NLGN1: variants seen among roughly 807,000 people sequenced by gnomAD.
The protein encoded by NLGN1 is neuroligin-1.
Under a neutral mutation model 65.5 loss-of-function variants are expected in NLGN1, and 12 were observed. That is an observed-to-expected ratio of 0.18 (90% CI 0.12 to 0.30). The LOEUF is 0.30. NLGN1 is among the 10% of genes least tolerant of loss of function. NLGN1 has a pLI of 1.00. For missense variants in NLGN1, 750 were observed against 1,007.1 expected (o/e 0.74, Z 3.46); for synonymous variants, 350 against 359.5 (o/e 0.97, Z 0.30).
intron 2 of NLGN1, among the ~76,000 whole-genome samples, chr3:173,443,517 A>C (rs1719612427): frequency 6.6e-6 from 1 of 151,992 alleles, no homozygotes; most frequent in African/African-American, 2.4e-5. Flanking sequence ...ATGGAAAAAG[A>C]AGTAAATAAA....
At chr3:173,552,631 A>C (rs1741060954) in intron 2 of NLGN1, among the ~76,000 whole-genome samples, 1 of 152,154 alleles carries the variant, frequency 6.6e-6, no homozygotes, top group Admixed American at 6.5e-5. Flanking sequence ...AGTTCTTGCT[A>C]GTAGTCTTCC....
In NLGN1 at chr3:174,279,539, T is replaced by C. The variant is rs766794390; in HGVS notation, c.1538T>C (p.Leu513Pro). 1 of 1,613,106 alleles carries C rather than the reference T, an allele frequency of 6.2e-7. No homozygotes were observed. The highest frequency in any genetic ancestry group is 2.2e-5 in the East Asian group (1 of 44,808). The change falls in exon 6 of 7, where the codon CTG becomes CCG. Residue 513 changes from leucine to proline, a missense_variant. Transcript: ENST00000457714. The surrounding 1 kb of genome is among the most constrained non-coding windows in gnomAD (Gnocchi z 4.7). ...CACGGAGACGAGGTTCCCTATGTAC[T>C]GGGAATCCCCATGATTGGCCCTACA...
chr3:173,706,018 A>G (rs1423332965), intron 3 of NLGN1, among the ~76,000 whole-genome samples: 2 of 152,188 alleles, frequency 1.3e-5, no homozygotes, highest in Non-Finnish European at 2.9e-5. Context: ...TGACAACTAA[A>G]TAATAATTAA....
At chr3:173,431,636 C>A (rs139689000) in intron 1 of NLGN1, among the ~76,000 whole-genome samples, 1 of 152,150 alleles carries the variant, frequency 6.6e-6, no homozygotes, top group Non-Finnish European at 1.5e-5. Flanking sequence ...ATATGCCCTG[C>A]CCTCATTCTT....
Position 173,807,660 on chromosome 3 carries a change from G to A in NLGN1, c.494-20G>A, listed in dbSNP as rs1716952741. On this transcript the variant is annotated intron_variant, in intron 3 of 6. Coordinates refer to ENST00000457714, the Ensembl canonical transcript of NLGN1. ...GTTATTTTTGAGGATAAGAACGATT[G>A]CCAACCATTTGTTTTCCAGATATTC... The A allele has an allele frequency of 1.9e-6, 3 of 1,610,306 alleles. No individual in the cohort carries two copies. The highest frequency in any genetic ancestry group is 2.5e-6 in the Non-Finnish European group (3 of 1,177,472).
chr3:174,136,546 A>G (rs570022368), intron 4 of NLGN1: 1 of 152,262 alleles, frequency 6.6e-6, no homozygotes, highest in Admixed American at 6.5e-5. Context: ...CCACCTGATT[A>G]CCAAGAGGAA....
At chr3:174,138,004 C>A (rs569317503) in intron 4 of NLGN1, among the ~76,000 whole-genome samples, 13 of 152,208 alleles carry the variant, frequency 8.5e-5, no homozygotes, top group African/African-American at 3.1e-4. Context: ...TCTGCTAATC[C>A]ATTTGACTCG....
At chr3:173,546,764 A>C (rs1163167755) in intron 2 of NLGN1, among the ~76,000 whole-genome samples, 1 of 152,210 alleles carries the variant, frequency 6.6e-6, no homozygotes, top group African/African-American at 2.4e-5. Flanking sequence ...ATTCCTTTAC[A>C]CAGGCTTTTA....
chr3:173,418,433 A>G (rs1714250881), intron 1 of NLGN1, among the ~76,000 whole-genome samples: 1 of 152,110 alleles, frequency 6.6e-6, no homozygotes, highest in South Asian at 2.1e-4. Flanking sequence ...GTATATTCCT[A>G]AGGTGCCTTC....
chr3:173,535,821 T>G (rs1560398864), intron 2 of NLGN1, among the ~76,000 whole-genome samples: 1 of 152,198 alleles, frequency 6.6e-6, no homozygotes. Context: ...GTCATAGTAT[T>G]TTTTGCTTCG....
At chr3:174,085,214 A>G (rs1307418335) in intron 4 of NLGN1, among the ~76,000 whole-genome samples, 1 of 151,986 alleles carries the variant, frequency 6.6e-6, no homozygotes, top group Non-Finnish European at 1.5e-5. Flanking sequence ...TCTTTACTGT[A>G]TGTTTGAAAA....
intron 4 of NLGN1, among the ~76,000 whole-genome samples, chr3:174,139,427 T>A (rs1721888708): frequency 1.3e-5 from 2 of 152,158 alleles, no homozygotes; most frequent in South Asian, 4.1e-4. Context: ...TTCCTCCATG[T>A]CTTTTTATGG....
At chr3:174,055,896 T>C (rs545693115) in intron 4 of NLGN1, among the ~76,000 whole-genome samples, 1 of 151,922 alleles carries the variant, frequency 6.6e-6, no homozygotes, top group Non-Finnish European at 1.5e-5. Context: ...CCAATAAAAG[T>C]GGACATTGAT....
chr3:173,599,163 A>G (rs1444972220), intron 2 of NLGN1, among the ~76,000 whole-genome samples: 1 of 152,104 alleles, frequency 6.6e-6, no homozygotes, highest in Non-Finnish European at 1.5e-5. Context: ...ATTTTGTAAA[A>G]TTGTGTTCAT....
chr3:173,458,720 A>C (rs890641483), intron 2 of NLGN1, among the ~76,000 whole-genome samples: 1 of 152,128 alleles, frequency 6.6e-6, no homozygotes, highest in African/African-American at 2.4e-5. Context: ...AAGTGACTTA[A>C]GAAATGAGGA....
At chr3:173,790,288 G>A (rs929714652) in intron 3 of NLGN1, among the ~76,000 whole-genome samples, 4 of 152,080 alleles carry the variant, frequency 2.6e-5, no homozygotes, top group Non-Finnish European at 4.4e-5. Context: ...GCACAGAATA[G>A]TGTGAATGGT....
chr3:174,094,577 A>G (rs954311702), intron 4 of NLGN1, among the ~76,000 whole-genome samples: 12 of 152,060 alleles, frequency 7.9e-5, no homozygotes, highest in African/African-American at 2.9e-4. Flanking sequence ...TACAAAAACT[A>G]CAAAGCCTAT....
At chr3:174,162,417 A>G (rs931093112) in intron 4 of NLGN1, among the ~76,000 whole-genome samples, 2 of 151,816 alleles carry the variant, frequency 1.3e-5, no homozygotes, top group Admixed American at 1.3e-4. Context: ...CTAATCAGAA[A>G]CTATTGCCAT....
At chr3:174,050,392 T>C (rs955911062) in intron 4 of NLGN1, among the ~76,000 whole-genome samples, 2 of 152,004 alleles carry the variant, frequency 1.3e-5, no homozygotes, top group Admixed American at 1.3e-4. Context: ...ATTTGGACTT[T>C]GAAACATTTT....
Sources: allele counts gnomAD v4.1 joint callset (sites outside exome capture counted in the v4.1 genomes callset), GRCh38; gene constraint gnomAD v4.1.1; non-coding constraint Gnocchi (gnomAD v3.1); transcripts MANE v1.5; gene names NCBI Gene and HGNC (gene_info 2026-07-23, HGNC 2026-07-21).